KRIT1: variants seen among roughly 807,000 people sequenced by gnomAD.
KRIT1 encodes the protein KRIT1 ankyrin repeat containing, also known as krev interaction trapped protein 1.
Under a neutral mutation model 95.8 loss-of-function variants are expected in KRIT1, and 45 were observed. The observed-to-expected ratio is 0.47, with a 90% confidence interval of 0.37 to 0.60. The LOEUF (loss-of-function observed/expected upper bound fraction) is 0.60, where lower values mean the gene tolerates loss of function less well. KRIT1 is among the 20% of genes least tolerant of loss of function. The pLI, the probability that KRIT1 is intolerant of heterozygous loss-of-function variation, is 0.00. For synonymous variants in KRIT1, 282 were observed against 278.8 expected, an observed-to-expected ratio of 1.01 and a Z score of -0.11; for missense variants, 788 against 877.5, an observed-to-expected ratio of 0.90 and a Z score of 1.29.
At chr7:92,245,519 C>A (rs1361231664) in intron 1 of KRIT1, 1 of 151,512 alleles carries the variant, frequency 6.6e-6, no homozygotes, top group Non-Finnish European at 1.5e-5. Flanking sequence ...CGAAGGACAC[C>A]GAGAGGTCCC....
At chr7:92,234,122 ACAAAACAAGAGAAACTG>A (rs1014627154) in intron 10 of KRIT1, among the ~76,000 whole-genome samples, 26 of 152,220 alleles carry the variant, frequency 1.7e-4, no homozygotes, top group Non-Finnish European at 2.9e-4. Flanking sequence ...TAATCCCAAT[ACAAAACAAGAGAAACTG>A]CAAAACAAGA....
intron 14 of KRIT1, among the ~76,000 whole-genome samples, chr7:92,217,729 T>C (rs1794282198): frequency 6.6e-6 from 1 of 152,180 alleles, no homozygotes; most frequent in Non-Finnish European, 1.5e-5. Context: ...TGCAGTGACA[T>C]ACGAATATGT....
Position 92,236,556 on chromosome 7 carries a change from A to G in KRIT1, c.356-14T>C. 6.8e-7 allele frequency: 1 copy of G among 1,480,066 alleles called. No individual in the cohort carries two copies. Among genetic ancestry groups the G allele is most frequent in the Non-Finnish European group, 9.4e-7 (1 of 1,060,260 alleles). The allele number at this position is 1,480,066 out of a possible 1,614,324, so 91.7% of individuals were successfully genotyped here. On this transcript the variant is annotated splice_polypyrimidine_tract_variant and intron_variant, in intron 6 of 18. Coordinates refer to ENST00000394505, the MANE Select transcript of KRIT1 (RefSeq NM_194454.3). Reference sequence around the variant, plus strand: ...ATTTAGTATTATCTGAAAAAGAAAAATGAAGAATTATGCTACCATATAAAA... The same window carrying G: ...ATTTAGTATTATCTGAAAAAGAAAAGTGAAGAATTATGCTACCATATAAAA...
chr7:92,209,868 G>C (rs2131257253), intron 17 of KRIT1, among the ~76,000 whole-genome samples: 1 of 151,922 alleles, frequency 6.6e-6, no homozygotes, highest in South Asian at 2.1e-4. Context: ...TTCAAGACCA[G>C]CCTGGCCAAC....
At chr7:92,227,576 C>T (rs1796450007) in intron 10 of KRIT1, among the ~76,000 whole-genome samples, 1 of 152,042 alleles carries the variant, frequency 6.6e-6, no homozygotes, top group East Asian at 2.0e-4. Context: ...CACTCTATGC[C>T]CAGGCTGGAG....
chr7:92,244,691 T>C (rs1472562353), intron 2 of KRIT1, among the ~76,000 whole-genome samples: 1 of 152,110 alleles, frequency 6.6e-6, no homozygotes, highest in East Asian at 1.9e-4. Context: ...TGAACTAAAA[T>C]ACAAGAAAGG....
intron 10 of KRIT1, among the ~76,000 whole-genome samples, chr7:92,227,572 A>C (rs1290389430): frequency 6.6e-6 from 1 of 152,056 alleles, no homozygotes; most frequent in Non-Finnish European, 1.5e-5. Flanking sequence ...GTCTCACTCT[A>C]TGCCCAGGCT....
intron 17 of KRIT1, among the ~76,000 whole-genome samples, chr7:92,209,504 A>G (rs1792307335): frequency 6.6e-6 from 1 of 152,226 alleles, no homozygotes; most frequent in African/African-American, 2.4e-5. Flanking sequence ...AACAAATTCA[A>G]TAAAGTTGCA....
chr7:92,234,414 C>A (rs887162207), intron 10 of KRIT1, 35 bp downstream of exon 10: 4 of 1,480,892 alleles, frequency 2.7e-6, no homozygotes, highest in African/African-American at 1.4e-5. Flanking sequence ...AAAATGTATT[C>A]TTTCTAAAAA....
chr7:92,240,505 T>A (rs761651130), intron 5 of KRIT1, among the ~76,000 whole-genome samples: 4 of 152,228 alleles, frequency 2.6e-5, no homozygotes, highest in Non-Finnish European at 5.9e-5. Context: ...TTTTAATCTA[T>A]CTATTATGTA....
Position 92,226,514 on chromosome 7 carries a change from A to T in KRIT1, c.1146+12T>A. ...TTGAATATTATTTTTAAAAACCTGG[A>T]AAATAACTTACTCTATCCGTTTCTG... On this transcript the variant is annotated intron_variant, in intron 11 of 18. Coordinates refer to ENST00000394505, the MANE Select transcript of KRIT1 (RefSeq NM_194454.3). 6.3e-7 allele frequency: 1 copy of T among 1,599,688 alleles called. No homozygotes were observed. Among genetic ancestry groups the T allele is most frequent in the Non-Finnish European group, 8.6e-7 (1 of 1,167,024 alleles).
chr7:92,215,660 A>C (rs542577389), intron 14 of KRIT1, among the ~76,000 whole-genome samples: 1 of 150,938 alleles, frequency 6.6e-6, no homozygotes, highest in Non-Finnish European at 1.5e-5. Context: ...TGAAGACAGA[A>C]GGTCTTGCCA....
chr7:92,229,665 G>T (rs541501341), intron 10 of KRIT1, among the ~76,000 whole-genome samples: 2 of 151,958 alleles, frequency 1.3e-5, no homozygotes, highest in Non-Finnish European at 2.9e-5. Context: ...CCTCTGAAAC[G>T]GTTTAAAATC....
At chr7:92,232,468 G>T (rs1797499725) in intron 10 of KRIT1, among the ~76,000 whole-genome samples, 1 of 147,622 alleles carries the variant, frequency 6.8e-6, no homozygotes, top group African/African-American at 2.5e-5. Context: ...CCATGCTTTT[G>T]TTTTTATGTA....
chr7:92,224,511 T>A (rs1031082693), intron 12 of KRIT1, among the ~76,000 whole-genome samples: 1 of 152,096 alleles, frequency 6.6e-6, no homozygotes, highest in Non-Finnish European at 1.5e-5. Flanking sequence ...TTTATAATCA[T>A]TATAACTCTT....
At chr7:92,230,096 T>C (rs528537669) in intron 10 of KRIT1, among the ~76,000 whole-genome samples, 1 of 152,282 alleles carries the variant, frequency 6.6e-6, no homozygotes, top group East Asian at 1.9e-4. Context: ...AATACAAACA[T>C]ACATTTTGTA....
chr7:92,213,199 G>C lies in KRIT1; in HGVS notation c.2021C>G (p.Thr674Ser). The change falls in exon 17 of 19, where the codon ACT (threonine) becomes AGT (serine). Residue 674 changes from threonine (T) to serine (S), a missense_variant. This residue lies in a region of KRIT1 where 493 missense variants were observed against 582.3 expected (regional missense o/e 0.85). Transcript: ENST00000394505. ...IKGLHLLNME[T>S]KALLISLKYG... ...AAAAAAGAGCTGAAAATCTACCTTA[G>C]TTTCCATGTTGAGGAGATGAAGTCC... The C allele has an allele frequency of 6.2e-7, 1 of 1,603,000 alleles. No homozygotes were observed. Among genetic ancestry groups the C allele is most frequent in the Non-Finnish European group, 8.5e-7 (1 of 1,170,270 alleles).
chr7:92,216,685 G>A (rs1794064762), intron 14 of KRIT1, among the ~76,000 whole-genome samples: 1 of 152,096 alleles, frequency 6.6e-6, no homozygotes, highest in Non-Finnish European at 1.5e-5. Flanking sequence ...AAACCAAATT[G>A]TTAACAACTT....
Position 92,240,064 on chromosome 7 carries a change from C to G in KRIT1, c.262+929G>C, listed in dbSNP as rs113767969. ...AGTTAAAATGCTTACAGTCCCAACC[C>G]ACAAAAACTCTTCAGGCTCTATTAG... On this transcript the variant is annotated intron_variant, in intron 5 of 18. Transcript: ENST00000394505. 3.3e-5 allele frequency among the ~76,000 whole-genome samples: 5 copies of G among 152,168 alleles called. 1 individual carries two copies. The highest frequency in any genetic ancestry group is 1.2e-4 in the African/African-American group (5 of 41,508).
Sources: allele counts gnomAD v4.1 joint callset (sites outside exome capture counted in the v4.1 genomes callset), GRCh38; gene constraint gnomAD v4.1.1; regional missense constraint gnomAD v4.1.1; transcripts MANE v1.5; gene names NCBI Gene and HGNC (gene_info 2026-07-23, HGNC 2026-07-21).